TRMT11: variants seen among roughly 807,000 people sequenced by gnomAD.
TRMT11 encodes tRNA (guanine(10)-N(2))-methyltransferase TRMT11.
A neutral mutation model predicts 62.8 loss-of-function variants in TRMT11; 53 were observed. The ratio of observed to expected loss-of-function variants is 0.84; its 90% CI spans 0.68 to 1.06. TRMT11 has a LOEUF of 1.06. TRMT11 is among the 50% of genes least tolerant of loss of function. TRMT11 has a pLI of 0.00. For synonymous variants in TRMT11, 188 were observed against 190.3 expected (o/e 0.99, Z 0.10); for missense variants, 556 against 553.4 (o/e 1.00, Z -0.05).
chr6:126,176,512 T>C (rs922037444), upstream of TRMT11, among the ~76,000 whole-genome samples: 1 of 152,178 alleles, frequency 6.6e-6, no homozygotes, highest in African/African-American at 2.4e-5. Context: ...TCCTTCTTTG[T>C]AGTGTGCAAT....
chr6:126,121,056 A>G (rs546332001), intron 21 of TRMT11, among the ~76,000 whole-genome samples: 20 of 151,944 alleles, frequency 1.3e-4, no homozygotes, highest in Non-Finnish European at 2.6e-4. Context: ...AACTTCTACT[A>G]TTGCCCCCAA....
the TRMT11 span, among the ~76,000 whole-genome samples, chr6:126,259,818 G>A: frequency 6.6e-6 from 1 of 152,090 alleles, no homozygotes; most frequent in Non-Finnish European, 1.5e-5. Context: ...TATCATTAAA[G>A]AATAACCTTT....
chr6:126,064,690 TTCTGTAGGCCAAAAAAAATCATG>T (rs1259623753), intron 17 of TRMT11, among the ~76,000 whole-genome samples: 3 of 152,194 alleles, frequency 2.0e-5, no homozygotes, highest in Admixed American at 6.5e-5. Context: ...GACACAGGGT[TTCTGTAGGCCAAAAAAAATCATG>T]TAAGTTAGGC....
chr6:126,099,227 G>T (rs931496733), intron 17 of TRMT11, among the ~76,000 whole-genome samples: 1 of 152,184 alleles, frequency 6.6e-6, no homozygotes, highest in Non-Finnish European at 1.5e-5. Flanking sequence ...ATTTTCCCCA[G>T]ATTTCAGTAA....
chr6:126,258,033 G>T, the TRMT11 span: 1 of 1,390,406 alleles, frequency 7.2e-7, no homozygotes, highest in Non-Finnish European at 1.0e-6. Context: ...CTCGACCCTG[G>T]CAGCCTGGGC....
intron 18 of TRMT11, among the ~76,000 whole-genome samples, chr6:126,113,001 T>C (rs905494594): frequency 6.6e-6 from 1 of 152,086 alleles, no homozygotes; most frequent in African/African-American, 2.4e-5. Context: ...ATAGACCTTT[T>C]TGCATCTGAG....
At chr6:126,056,136 G>A (rs1332339504) in intron 17 of TRMT11, among the ~76,000 whole-genome samples, 1 of 152,018 alleles carries the variant, frequency 6.6e-6, no homozygotes, top group Non-Finnish European at 1.5e-5. Context: ...GTCTTATTTC[G>A]CACTGTTAAC....
At chr6:125,994,743 A>G (rs1258048505) in intron 2 of TRMT11, among the ~76,000 whole-genome samples, 1 of 152,230 alleles carries the variant, frequency 6.6e-6, no homozygotes, top group Non-Finnish European at 1.5e-5. Context: ...ATGAAAATGT[A>G]CATATACACC....
chr6:126,043,638 T>C (rs71563693), downstream of TRMT11, among the ~76,000 whole-genome samples: 19 of 152,272 alleles, frequency 1.2e-4, no homozygotes, highest in East Asian at 1.9e-4. Flanking sequence ...CACTGACTTC[T>C]ACAATGGTTG....
At chr6:126,197,586 T>G (rs1477034289) in intron 1 of TRMT11, among the ~76,000 whole-genome samples, 1 of 152,224 alleles carries the variant, frequency 6.6e-6, no homozygotes, top group Non-Finnish European at 1.5e-5. Flanking sequence ...TTCTGTATAT[T>G]CCTCAGATTC....
chr6:126,193,488 G>GTTTTTTTTTGTTTT (rs1778627491), intron 1 of TRMT11, among the ~76,000 whole-genome samples: 1 of 118,140 alleles, frequency 8.5e-6, no homozygotes, highest in African/African-American at 3.7e-5. Flanking sequence ...GAGCGTTTCT[G>GTTTTTTTTTGTTTT]TATTTTTTTT....
chr6:126,078,420 C>G (rs1385661402), intron 17 of TRMT11, among the ~76,000 whole-genome samples: 3 of 148,780 alleles, frequency 2.0e-5, no homozygotes, highest in Admixed American at 1.3e-4. Flanking sequence ...TTGAGTTGGA[C>G]TCAGGCATTT....
the TRMT11 span, among the ~76,000 whole-genome samples, chr6:126,225,346 C>A: frequency 6.6e-6 from 1 of 152,156 alleles, no homozygotes; most frequent in Non-Finnish European, 1.5e-5. Context: ...CTATTTAATT[C>A]ATCCCTTCTC....
chr6:126,051,950 T>C (rs940234543), intron 16 of TRMT11, among the ~76,000 whole-genome samples: 1 of 152,162 alleles, frequency 6.6e-6, no homozygotes, highest in African/African-American at 2.4e-5. Flanking sequence ...CAAGACACAT[T>C]GTACAGCTCC....
chr6:126,108,526 G>A (rs1036266537), intron 17 of TRMT11, among the ~76,000 whole-genome samples: 13 of 152,144 alleles, frequency 8.5e-5, no homozygotes, highest in African/African-American at 3.1e-4. Flanking sequence ...GAGGTAAGTA[G>A]TATTATCACA....
intron 17 of TRMT11, among the ~76,000 whole-genome samples, chr6:126,066,448 A>G (rs1359245810): frequency 6.6e-6 from 1 of 152,192 alleles, no homozygotes; most frequent in African/African-American, 2.4e-5. Flanking sequence ...ATGTCCTCAT[A>G]TGGCCTTTCT....
chr6:126,093,631 A>ATATATATATATATATATTTTTTTT (rs1554236842), intron 17 of TRMT11, among the ~76,000 whole-genome samples: 1 of 98,014 alleles, frequency 1.0e-5, no homozygotes, highest in African/African-American at 4.4e-5. Context: ...ATATATATAT[A>ATATATATATATATATATTTTTTTT]TTTTCCCCCA....
At chr6:126,128,306 C>A (rs1202149567) in intron 21 of TRMT11, among the ~76,000 whole-genome samples, 2 of 152,092 alleles carry the variant, frequency 1.3e-5, no homozygotes, top group Non-Finnish European at 2.9e-5. Context: ...TCTTCCTTCT[C>A]TCTTTCCAAA....
At chr6:126,239,910 T>C in the TRMT11 span, among the ~76,000 whole-genome samples, 1 of 152,194 alleles carries the variant, frequency 6.6e-6, no homozygotes, top group African/African-American at 2.4e-5. Context: ...TTCATTTCTT[T>C]TTATGCTTTT....
Sources: allele counts gnomAD v4.1 joint callset (sites outside exome capture counted in the v4.1 genomes callset), GRCh38; gene constraint gnomAD v4.1.1; transcripts MANE v1.5; gene names NCBI Gene and HGNC (gene_info 2026-07-23, HGNC 2026-07-21).